Variants in HECW2 observed in about 807,000 individuals in gnomAD.
HECW2 encodes HECT, C2 and WW domain containing E3 ubiquitin protein ligase 2.
Under a neutral mutation model 175.2 loss-of-function variants are expected in HECW2, and 61 were observed. That is an observed-to-expected ratio of 0.35 (90% CI 0.28 to 0.43). The LOEUF (loss-of-function observed/expected upper bound fraction) is 0.43. Ranked by LOEUF, HECW2 falls within the 20% of genes least tolerant of loss-of-function variation. The probability of loss-of-function intolerance (pLI) is 1.00; values close to 1 mark genes in which losing one functional copy is unlikely to be tolerated. For synonymous variants in HECW2, 671 were observed against 731.0 expected, an observed-to-expected ratio of 0.92 and a Z score of 1.32; for missense variants, 1,524 against 2,000.5, an observed-to-expected ratio of 0.76 and a Z score of 4.54.
chr2:196,531,787 T>C (rs756960396), intron 1 of HECW2, among the ~76,000 whole-genome samples: 3 of 152,220 alleles, frequency 2.0e-5, no homozygotes, highest in Non-Finnish European at 4.4e-5. Flanking sequence ...CTAGTTAACT[T>C]CTTAGCCTCT....
At chr2:196,214,976 G>A (rs1026983931) in intron 28 of HECW2, among the ~76,000 whole-genome samples, 1 of 152,006 alleles carries the variant, frequency 6.6e-6, no homozygotes, top group Non-Finnish European at 1.5e-5. Context: ...TAACATCTTG[G>A]GGTACCTAAT....
chr2:196,531,649 G>T (rs1688843870), intron 1 of HECW2, among the ~76,000 whole-genome samples: 1 of 147,380 alleles, frequency 6.8e-6, no homozygotes, highest in African/African-American at 2.6e-5. Context: ...GCAACAGTGT[G>T]AGACTCTGTC....
chr2:196,469,197 T>C (rs952459541), intron 1 of HECW2, among the ~76,000 whole-genome samples: 8 of 151,262 alleles, frequency 5.3e-5, no homozygotes, highest in South Asian at 2.1e-4. Flanking sequence ...AAGAATAATA[T>C]AAGAGGAGCT....
chr2:196,483,900 A>T (rs955697128), intron 1 of HECW2, among the ~76,000 whole-genome samples: 1 of 152,226 alleles, frequency 6.6e-6, no homozygotes, highest in African/African-American at 2.4e-5. Flanking sequence ...GGGGGAAAAA[A>T]CATGACATTA....
At chr2:196,524,682 G>A (rs1688566270) in intron 1 of HECW2, among the ~76,000 whole-genome samples, 1 of 117,346 alleles carries the variant, frequency 8.5e-6, no homozygotes, top group Non-Finnish European at 1.6e-5. Context: ...TTGTGTCTTT[G>A]TTCTCATTGG....
At chr2:196,346,901 G>C (rs1014109138) in intron 2 of HECW2, among the ~76,000 whole-genome samples, 1 of 148,218 alleles carries the variant, frequency 6.7e-6, no homozygotes, top group African/African-American at 2.5e-5. Flanking sequence ...CCAGCTACTC[G>C]GGAGGCTGAG....
At chr2:196,373,488 AACAAC>A (rs1403819120) in intron 2 of HECW2, among the ~76,000 whole-genome samples, 2 of 152,220 alleles carry the variant, frequency 1.3e-5, no homozygotes, top group African/African-American at 4.8e-5. Flanking sequence ...AACAAACTGT[AACAAC>A]TTGATTCACT....
At chr2:196,267,139 T>C (rs1689548939) in intron 17 of HECW2, among the ~76,000 whole-genome samples, 1 of 152,120 alleles carries the variant, frequency 6.6e-6, no homozygotes, top group Non-Finnish European at 1.5e-5. Flanking sequence ...TGGGGAGAGC[T>C]GGACTAGTAG....
chr2:196,547,380 T>G (rs1689459884), intron 1 of HECW2, among the ~76,000 whole-genome samples: 2 of 152,222 alleles, frequency 1.3e-5, no homozygotes, highest in African/African-American at 4.8e-5. Flanking sequence ...ATCCTGCCTT[T>G]ATAATATAAA....
intron 1 of HECW2, among the ~76,000 whole-genome samples, chr2:196,524,740 T>C (rs1278090545): frequency 8.2e-6 from 1 of 122,226 alleles, no homozygotes; most frequent in Non-Finnish European, 1.6e-5. Context: ...ATGTACCCCG[T>C]AGTCATTCAG....
At chr2:196,293,842 A>T (rs749389048) in intron 13 of HECW2, among the ~76,000 whole-genome samples, 7 of 152,196 alleles carry the variant, frequency 4.6e-5, no homozygotes, top group Non-Finnish European at 8.8e-5. Flanking sequence ...TTGCATGGAA[A>T]AATGCTTGCC....
chr2:196,506,705 G>T (rs1318629456), intron 1 of HECW2, among the ~76,000 whole-genome samples: 3 of 151,632 alleles, frequency 2.0e-5, no homozygotes, highest in African/African-American at 7.3e-5. Context: ...AGCCAAAAAT[G>T]TATTACTATC....
chr2:196,241,637 G>T (rs1688459165), intron 20 of HECW2, among the ~76,000 whole-genome samples: 1 of 152,150 alleles, frequency 6.6e-6, no homozygotes, highest in Non-Finnish European at 1.5e-5. Context: ...ATGAAGAAAG[G>T]CCGAAACAAC....
rs1691994359 is a variant in HECW2, at chr2:196,322,694, G to A, written c.742-74C>T. The A allele has an allele frequency of 3.0e-6, 4 of 1,335,984 alleles. No individual in the cohort carries two copies. The South Asian group carries it at 5.4e-5, about 18-fold the overall frequency. The allele number at this position is 1,335,984 out of a possible 1,614,324, so 82.8% of individuals were successfully genotyped here. On this transcript the variant is annotated intron_variant, in intron 6 of 28. Transcript: ENST00000644978. ...GATACTATATCATTTTATTTGTATAGGAAATGGTATCTCTTAAATTCTAAC... is the reference window on the plus strand; with the variant it reads ...GATACTATATCATTTTATTTGTATAAGAAATGGTATCTCTTAAATTCTAAC...
chr2:196,208,412 A>G (rs1405278522), intron 28 of HECW2, among the ~76,000 whole-genome samples: 13 of 152,266 alleles, frequency 8.5e-5, no homozygotes, highest in Admixed American at 8.5e-4. Context: ...TGTGCTAAGC[A>G]CTGGGCTCAC....
intron 14 of HECW2, chr2:196,288,596 T>C (rs1252870704): frequency 6.6e-6 from 1 of 152,214 alleles, no homozygotes; most frequent in Non-Finnish European, 1.5e-5. Flanking sequence ...TTATAAGTCA[T>C]CATGCATTTC....
intron 25 of HECW2, among the ~76,000 whole-genome samples, 154 bp downstream of exon 25, chr2:196,220,641 C>G (rs1687631906): frequency 6.6e-6 from 1 of 152,126 alleles, no homozygotes; most frequent in African/African-American, 2.4e-5. Context: ...TTTTGGTGCT[C>G]TTGAAACATA....
intron 1 of HECW2, among the ~76,000 whole-genome samples, chr2:196,450,967 G>A (rs374095526): frequency 6.6e-6 from 1 of 151,990 alleles, no homozygotes; most frequent in Non-Finnish European, 1.5e-5. Context: ...AAAGTCAACC[G>A]AGAGATTTGC....
intron 17 of HECW2, among the ~76,000 whole-genome samples, chr2:196,264,655 C>T (rs944071277): frequency 1.3e-5 from 2 of 152,038 alleles, no homozygotes; most frequent in Non-Finnish European, 2.9e-5. Flanking sequence ...CTGTTTTGGG[C>T]CTTTTAAATT....
Sources: gnomAD v4.1 joint callset for allele counts (sites outside exome capture counted in the v4.1 genomes callset) on GRCh38, gnomAD v4.1.1 for gene constraint, MANE v1.5 for transcripts, NCBI Gene and HGNC (gene_info 2026-07-23, HGNC 2026-07-21) for gene names.